DNMT3A: variants seen among roughly 807,000 people sequenced by gnomAD.
The protein encoded by DNMT3A is DNA methyltransferase 3 alpha.
Under a neutral mutation model 117.6 loss-of-function variants are expected in DNMT3A, and 267 were observed. The ratio of observed to expected loss-of-function variants is 2.27; its 90% confidence interval spans 2.05 to 2.51. The LOEUF (loss-of-function observed/expected upper bound fraction) is 2.51. DNMT3A is among the 30% of genes most tolerant of loss of function. DNMT3A has a pLI of 0.00. For synonymous variants in DNMT3A, 432 were observed against 474.8 expected (o/e 0.91, Z 1.17); for missense variants, 1,029 against 1,260.2 (o/e 0.82, Z 2.78).
At chr2:25,272,977 A>ATTTTTTTTTTTTTTTT (rs70947875) in intron 6 of DNMT3A, among the ~76,000 whole-genome samples, 1 of 106,480 alleles carries the variant, frequency 9.4e-6, no homozygotes, top group African/African-American at 4.3e-5. Context: ...AATTGTTTGT[A>ATTTTTTTTTTTTTTTT]TTTTTTTTTT....
chr2:25,331,697 T>C (rs2035019288), intron 1 of DNMT3A, among the ~76,000 whole-genome samples: 1 of 152,084 alleles, frequency 6.6e-6, no homozygotes, highest in African/African-American at 2.4e-5. Context: ...TCTGCAGGGG[T>C]CGTACCAGTT....
chr2:25,284,447 G>A (rs533483676), intron 3 of DNMT3A, among the ~76,000 whole-genome samples: 1 of 151,972 alleles, frequency 6.6e-6, no homozygotes, highest in African/African-American at 2.4e-5. Flanking sequence ...CTGAGGTCAG[G>A]AGTTTGAGAC....
intron 3 of DNMT3A, among the ~76,000 whole-genome samples, chr2:25,283,803 G>A (rs963723225): frequency 2.6e-5 from 4 of 152,216 alleles, no homozygotes; most frequent in Admixed American, 1.3e-4. Context: ...AATCCTGGCT[G>A]TCTGTGTGTG....
Position 25,244,163 on chromosome 2 carries a change from G to A in DNMT3A, c.1843C>T (p.Gln615Ter), listed in dbSNP as rs768548187. 2 of 1,613,934 alleles carry A rather than the reference G, an allele frequency of 1.2e-6. No individual in the cohort carries two copies. Among genetic ancestry groups the A allele is most frequent in the Admixed American group, 1.7e-5 (1 of 60,024 alleles). Reference protein sequence around the residue: ...LQMFFANNHDQEFDPPKVYPP... With the variant: ...LQMFFANNHD ...CCAGGCCCAGCACTCACAAATTCCT[G>A]GTCGTGGTTATTAGCGAAGAACATC... Residue 615 changes from glutamine to a stop codon, truncating the protein, a stop_gained, in exon 15 of 23, where the codon CAG becomes TAG. Coordinates refer to ENST00000321117, the MANE Select transcript of DNMT3A (RefSeq NM_022552.5). LOFTEE classifies it high-confidence loss of function.
chr2:25,247,703 C>T lies in DNMT3A; in HGVS notation c.902G>A (p.Arg301Gln), dbSNP rs2149308108. The change falls in exon 8 of 23, where the codon CGG becomes CAG. Residue 301 changes from arginine to glutamine, a missense_variant. Arg to Gln is a conservative substitution (Grantham distance 43). Transcript: ENST00000321117. The surrounding 1 kb of genome is among the most constrained non-coding windows in gnomAD (Gnocchi z 5.6). Reference protein sequence around the residue: ...GIGELVWGKLRGFSWWPGRIV... With the variant: ...GIGELVWGKLQGFSWWPGRIV... ...GCGGCCTGGCCACCAGGAGAAGCCCCGCAGTTTCCCCCACACCAGCTCCCC... is the reference window on the plus strand; with the variant it reads ...GCGGCCTGGCCACCAGGAGAAGCCCTGCAGTTTCCCCCACACCAGCTCCCC... 2 of 1,613,630 alleles carry T rather than the reference C, an allele frequency of 1.2e-6. No individual in the cohort carries two copies. The highest frequency in any genetic ancestry group is 1.1e-5 in the South Asian group (1 of 91,070).
chr2:25,239,549 G>A (rs1034225044), intron 19 of DNMT3A: 2 of 551,066 alleles, frequency 3.6e-6, no homozygotes, highest in African/African-American at 3.7e-5. Flanking sequence ...GAGCTGAATG[G>A]TTAATGTTAA....
At chr2:25,262,172 G>C (rs901631117) in intron 6 of DNMT3A, among the ~76,000 whole-genome samples, 1 of 130,854 alleles carries the variant, frequency 7.6e-6, no homozygotes, top group African/African-American at 3.0e-5. Flanking sequence ...CCTGGCGAGA[G>C]AGCAAGACTC....
intron 1 of DNMT3A, among the ~76,000 whole-genome samples, chr2:25,331,545 C>A (rs1027751862): frequency 6.6e-6 from 1 of 152,184 alleles, no homozygotes; most frequent in Non-Finnish European, 1.5e-5. Flanking sequence ...TGATGATGCT[C>A]GCCGCAGGTC....
At position 25,244,652 on chromosome 2, in the gene DNMT3A, TCTAGACAGC is replaced by T; in HGVS notation, c.1555-9_1555-1del. ...TGGTACGCACACTCCAGAAAGCAGT[TCTAGACAGC>T]AGCGGGAAGGGTCAGAAACCACCAG... On this transcript the variant is annotated splice_acceptor_variant and splice_polypyrimidine_tract_variant and intron_variant, in intron 13 of 22. Coordinates refer to ENST00000321117, the MANE Select transcript of DNMT3A (RefSeq NM_022552.5). LOFTEE classifies it high-confidence loss of function. 6.2e-7 allele frequency: 1 copy of T among 1,613,852 alleles called. No homozygotes were observed. Among genetic ancestry groups the T allele is most frequent in the Non-Finnish European group, 8.5e-7 (1 of 1,179,904 alleles).
rs776952513 is a variant in DNMT3A at position 25,240,457 on chromosome 2, G to A, written c.2174-7C>T. 1.3e-6 allele frequency: 2 copies of A among 1,599,616 alleles called. No individual in the cohort carries two copies. The highest frequency in any genetic ancestry group is 8.5e-7 in the Non-Finnish European group (1 of 1,173,016). ...AAGAGCCGGCCAGTGCCCTCTGAGA[G>A]GTCGGAAGAGAAAGCCATCAGCTGG... is the stretch of plus-strand genomic sequence containing the variant. On this transcript the variant is annotated splice_polypyrimidine_tract_variant and splice_region_variant and intron_variant, in intron 18 of 22. Coordinates refer to ENST00000321117, the MANE Select transcript of DNMT3A (RefSeq NM_022552.5).
At chr2:25,291,499 C>T (rs572895283) in intron 3 of DNMT3A, among the ~76,000 whole-genome samples, 9 of 152,362 alleles carry the variant, frequency 5.9e-5, no homozygotes, top group Admixed American at 2.0e-4. Flanking sequence ...CAAGCTCCAA[C>T]GCTATGGAGC....
intron 6 of DNMT3A, among the ~76,000 whole-genome samples, chr2:25,253,704 TAGAA>T (rs1352382394): frequency 6.6e-6 from 1 of 152,150 alleles, no homozygotes; most frequent in Non-Finnish European, 1.5e-5. Context: ...CAAGATGAAT[TAGAA>T]GGAAGAACTG....
In DNMT3A at chr2:25,234,630, C is replaced by T. The variant is rs953179310; in HGVS notation, c.2598-210G>A. ...ACAACCCGGCACTCAGATCACCAAC[C>T]ATGTGCCAGGCACTGTGCTGGTTTC... is the stretch of plus-strand genomic sequence containing the variant. On this transcript the variant is annotated intron_variant, in intron 22 of 22. Transcript: ENST00000321117. The surrounding 1 kb of genome is among the most constrained non-coding windows in gnomAD (Gnocchi z 4.5). Among the ~76,000 whole-genome samples, 1 of 152,230 alleles carries T rather than the reference C, an allele frequency of 6.6e-6. No individual in the cohort carries two copies. Among genetic ancestry groups the T allele is most frequent in the Admixed American group, 6.5e-5 (1 of 15,282 alleles).
intron 2 of DNMT3A, among the ~76,000 whole-genome samples, chr2:25,307,457 A>G (rs544444641): frequency 8.4e-6 from 1 of 119,230 alleles, no homozygotes; most frequent in Admixed American, 8.5e-5. Flanking sequence ...CACACACCGC[A>G]GCTTTTTTTT....
At chr2:25,262,632 C>T (rs72810055) in intron 6 of DNMT3A, among the ~76,000 whole-genome samples, 3 of 152,314 alleles carry the variant, frequency 2.0e-5, no homozygotes, top group Non-Finnish European at 4.4e-5. Flanking sequence ...GTTCTCCTAC[C>T]TGGTCCTGCT....
chr2:25,311,510 G>A lies in DNMT3A; in HGVS notation c.72+2403C>T, dbSNP rs2034118728. ...GGGGAGGAGGCCTGGCTATGGCCCA[G>A]CCCTTATCTATCCAGATCACTGCCA... On this transcript the variant is annotated intron_variant, in intron 2 of 22. Transcript: ENST00000321117. The surrounding 1 kb of genome is among the most constrained non-coding windows in gnomAD (Gnocchi z 5.2). Among the ~76,000 whole-genome samples the A allele has an allele frequency of 6.6e-6, 1 of 152,220 alleles. No individual in the cohort carries two copies. The highest frequency in any genetic ancestry group is 1.5e-5 in the Non-Finnish European group (1 of 68,038).
Position 25,282,323 on chromosome 2 carries a change from C to G in DNMT3A, c.448+118G>C, listed in dbSNP as rs114783583. 7,285 of 1,498,954 alleles carry G rather than the reference C, an allele frequency of 4.9e-3. 258 individuals carry two copies. In the African/African-American group the frequency reaches 0.077, roughly 16 times the overall value. The allele number at this position is 1,498,954 out of a possible 1,614,324, so 92.9% of individuals were successfully genotyped here. A position where few individuals can be genotyped will look rare whatever the true frequency, so the allele number is the denominator to read the frequency against. On this transcript the variant is annotated intron_variant, in intron 4 of 22. Transcript: ENST00000321117. The surrounding 1 kb of genome is among the most constrained non-coding windows in gnomAD (Gnocchi z 5.2). ...GCCTCCAGGCCATAGCCTTGGCAAG[C>G]AGACCTTTAGCCACGACCCAGACCA...
At chr2:25,239,073 G>T in intron 20 of DNMT3A, 57 bp downstream of exon 20, 1 of 1,538,350 alleles carries the variant, frequency 6.5e-7, no homozygotes, top group Non-Finnish European at 8.9e-7. Context: ...CCCACTATGG[G>T]TCATCCCACC....
At chr2:25,329,133 A>G (rs1018602003) in intron 1 of DNMT3A, among the ~76,000 whole-genome samples, 1 of 152,086 alleles carries the variant, frequency 6.6e-6, no homozygotes, top group Non-Finnish European at 1.5e-5. Flanking sequence ...CTTTCTCCTC[A>G]TCGTCTGTCC....
Sources: allele counts gnomAD v4.1 joint callset (sites outside exome capture counted in the v4.1 genomes callset), GRCh38; gene constraint gnomAD v4.1.1; non-coding constraint Gnocchi (gnomAD v3.1); transcripts MANE v1.5; gene names NCBI Gene and HGNC (gene_info 2026-07-23, HGNC 2026-07-21).